APOH: variants seen among roughly 807,000 people sequenced by gnomAD.
APOH encodes apolipoprotein H.
A neutral mutation model predicts 39.8 loss-of-function variants in APOH; 48 were observed. The observed-to-expected ratio is 1.21, with a 90% CI of 0.96 to 1.54. The LOEUF (loss-of-function observed/expected upper bound fraction) is 1.54, where lower values mean the gene tolerates loss of function less well. Ranked by LOEUF, APOH falls within the 40% of genes most tolerant of loss-of-function variation. APOH has a pLI of 0.00. For synonymous variants in APOH, 153 were observed against 151.1 expected (o/e 1.01, Z -0.09); for missense variants, 415 against 421.2 (o/e 0.99, Z 0.13).
At chr17:66,228,755 C>A (rs1221754454) in intron 1 of APOH, 3 of 149,796 alleles carry the variant, frequency 2.0e-5, no homozygotes, top group African/African-American at 7.4e-5. Flanking sequence ...GAGCCGAGAT[C>A]GCACCACTGC....
chr17:66,214,345 C>T, intron 7 of APOH, 108 bp downstream of exon 7: 1 of 1,071,166 alleles, frequency 9.3e-7, no homozygotes, highest in Non-Finnish European at 1.4e-6. Context: ...AGGCGTGACC[C>T]ACCGCACCTG....
Position 66,214,459 on chromosome 17 carries a change from A to G in APOH, c.976T>C (p.Phe326Leu). Reference protein sequence around the residue: ...IDGTIEVPKCFKEHSSLAFWK... With the variant: ...IDGTIEVPKCLKEHSSLAFWK... ...CGTTCCAATGCAGACTTACCCTTGA[A>G]GCATTTGGGGACTTCGATAGTGCCA... The change falls in exon 7 of 8, where the codon TTC (phenylalanine) becomes CTC (leucine). Residue 326 changes from phenylalanine to leucine, a missense_variant. Physicochemically the swap from Phe to Leu is conservative, Grantham distance 22. This residue lies in a region of APOH where 120 missense variants were observed against 110.6 expected (regional missense o/e 1.08). Coordinates refer to ENST00000205948, the MANE Select transcript of APOH (RefSeq NM_000042.3). 2 of 1,613,600 alleles carry G rather than the reference A, an allele frequency of 1.2e-6. No individual in the cohort carries two copies. Among genetic ancestry groups the G allele is most frequent in the South Asian group, 1.1e-5 (1 of 91,030 alleles).
At chr17:66,218,091 T>A (rs893993818) in intron 5 of APOH, among the ~76,000 whole-genome samples, 1 of 152,202 alleles carries the variant, frequency 6.6e-6, no homozygotes, top group East Asian at 1.9e-4. Flanking sequence ...TCCAATGTCA[T>A]AATTGACAGA....
intron 3 of APOH, among the ~76,000 whole-genome samples, chr17:66,224,212 A>G (rs1384865888): frequency 6.6e-6 from 1 of 152,168 alleles, no homozygotes; most frequent in Non-Finnish European, 1.5e-5. Flanking sequence ...ACTTTGGCTC[A>G]TGCCTGTAAT....
intron 5 of APOH, among the ~76,000 whole-genome samples, chr17:66,218,419 C>G (rs1388669675): frequency 6.6e-6 from 1 of 152,056 alleles, no homozygotes; most frequent in African/African-American, 2.4e-5. Context: ...AGCGATTCTC[C>G]TGCCTCAACC....
Position 66,216,449 on chromosome 17 carries a change from A to C in APOH, c.784+339T>G, listed in dbSNP as rs2073366063. 2.0e-5 allele frequency among the ~76,000 whole-genome samples: 3 copies of C among 149,566 alleles called. No individual in the cohort carries two copies. In the Admixed American group the frequency reaches 2.0e-4, roughly 10 times the overall value. ...CAGTGAGCCGAGATCACGCCATTGC[A>C]CTCCAGCCTGGGCGACAGAGCAAGA... On this transcript the variant is annotated intron_variant, in intron 6 of 7. Coordinates refer to ENST00000205948, the MANE Select transcript of APOH (RefSeq NM_000042.3).
At chr17:66,218,779 G>A (rs957146876) in intron 5 of APOH, among the ~76,000 whole-genome samples, 7 of 152,134 alleles carry the variant, frequency 4.6e-5, no homozygotes, top group Non-Finnish European at 7.3e-5. Flanking sequence ...GGAGGCTGAG[G>A]CAGGCGGATC....
chr17:66,214,032 A>C (rs2073350031), intron 7 of APOH, among the ~76,000 whole-genome samples: 1 of 151,860 alleles, frequency 6.6e-6, no homozygotes, highest in Non-Finnish European at 1.5e-5. Context: ...CCTCTTTTTA[A>C]AAACCCAGTG....
chr17:66,229,126 G>A (rs1280330050), intron 1 of APOH, among the ~76,000 whole-genome samples, 190 bp downstream of exon 1: 2 of 151,916 alleles, frequency 1.3e-5, no homozygotes, highest in Non-Finnish European at 2.9e-5. Flanking sequence ...TCATAAAGAC[G>A]GGGTTTCACC....
chr17:66,227,721 C>G (rs1267427331), intron 2 of APOH, among the ~76,000 whole-genome samples: 1 of 152,136 alleles, frequency 6.6e-6, no homozygotes, highest in Admixed American at 6.6e-5. Context: ...CATTTCAAAG[C>G]CTCTCCACTG....
At position 66,220,614 on chromosome 17, in the gene APOH, C is replaced by T. The variant is rs371321855; in HGVS notation, c.544G>A (p.Gly182Arg). The T allele has an allele frequency of 2.4e-5, 38 of 1,614,104 alleles. No individual in the cohort carries two copies. In the East Asian group the frequency reaches 2.7e-4, roughly 11 times the overall value. ...FECLPQHAMF[G>R]NDTITCTTHG... ...GTCGTGCAGGTAATTGTATCATTTC[C>T]AAACATCGCATGTTGTGGCAAACAT... is the stretch of plus-strand genomic sequence containing the variant. Residue 182 changes from glycine (G) to arginine (R), a missense_variant, in exon 5 of 8, where the codon GGA becomes AGA. Coordinates refer to ENST00000205948, the MANE Select transcript of APOH (RefSeq NM_000042.3).
At chr17:66,218,897 C>A (rs1017146602) in intron 5 of APOH, among the ~76,000 whole-genome samples, 1 of 152,038 alleles carries the variant, frequency 6.6e-6, no homozygotes, top group African/African-American at 2.4e-5. Flanking sequence ...ATATTCCCAG[C>A]TACTTGGGAG....
intron 2 of APOH, among the ~76,000 whole-genome samples, chr17:66,227,565 C>G (rs2147000143): frequency 6.6e-6 from 1 of 152,170 alleles, no homozygotes; most frequent in African/African-American, 2.4e-5. Context: ...TCTTGTATTT[C>G]ATTATAATAT....
chr17:66,227,953 G>T lies in APOH; in HGVS notation c.241+67C>A, dbSNP rs2073449414. 3.9e-6 allele frequency: 6 copies of T among 1,526,996 alleles called. 1 individual carries two copies. The South Asian group carries it at 7.4e-5, about 19-fold the overall frequency. 94.6% of individuals were successfully genotyped at this position (1,526,996 alleles called of 1,614,324 possible). A position where few individuals can be genotyped will look rare whatever the true frequency, so the allele number is the denominator to read the frequency against. ...TCTGCACTCTGAGCATGACGAGGTA[G>T]CTTATTCCTCCAAAATACCCAGAAT... On this transcript the variant is annotated intron_variant, in intron 2 of 7. Coordinates refer to ENST00000205948, the MANE Select transcript of APOH (RefSeq NM_000042.3).
At chr17:66,213,408 C>T (rs930904295) in intron 7 of APOH, among the ~76,000 whole-genome samples, 1 of 152,210 alleles carries the variant, frequency 6.6e-6, no homozygotes, top group Non-Finnish European at 1.5e-5. Context: ...ACTTTTCAAA[C>T]TCTACGAATT....
In APOH at chr17:66,229,365, C is replaced by T. The variant is rs1336172209; in HGVS notation, c.15G>A (p.Val5=). Residue 5 remains valine, a synonymous_variant, in exon 1 of 8, where the codon GTG becomes GTA. Transcript: ENST00000205948. MISP[V]LILFSSFLCH... Reference sequence around the variant, plus strand: ...AGAGAAAACTCGAGAACAAGATGAGCACTGGAGAAATCATTGTGGATGAGT... The same window carrying T: ...AGAGAAAACTCGAGAACAAGATGAGTACTGGAGAAATCATTGTGGATGAGT... 6.2e-7 allele frequency: 1 copy of T among 1,613,750 alleles called. No homozygotes were observed. Among genetic ancestry groups the T allele is most frequent in the East Asian group, 2.2e-5 (1 of 44,864 alleles).
intron 3 of APOH, among the ~76,000 whole-genome samples, chr17:66,225,374 A>C (rs1018663320): frequency 6.6e-6 from 1 of 152,164 alleles, no homozygotes; most frequent in African/African-American, 2.4e-5. Context: ...GGGGATGTGG[A>C]ACTGCATTGC....
At chr17:66,225,684 T>C (rs2073434945) in intron 3 of APOH, among the ~76,000 whole-genome samples, 1 of 152,186 alleles carries the variant, frequency 6.6e-6, no homozygotes, top group South Asian at 2.1e-4. Context: ...AAGACCATCC[T>C]GGCTAACACA....
chr17:66,216,687 G>T, intron 6 of APOH, 101 bp downstream of exon 6: 1 of 1,254,936 alleles, frequency 8.0e-7, no homozygotes, highest in Non-Finnish European at 1.1e-6. Context: ...TAGCAAGTCT[G>T]AGCAACAAGT....
Sources: gnomAD v4.1 joint callset for allele counts (sites outside exome capture counted in the v4.1 genomes callset) on GRCh38, gnomAD v4.1.1 for gene constraint, gnomAD v4.1.1 regional missense constraint, MANE v1.5 for transcripts, NCBI Gene and HGNC (gene_info 2026-07-23, HGNC 2026-07-21) for gene names.